Variants in RAD51B observed in about 807,000 individuals in gnomAD.
RAD51B encodes RAD51 paralog B, also known as DNA repair protein RAD51 homolog 2.
A neutral mutation model predicts 42.2 loss-of-function variants in RAD51B; 38 were observed. The observed-to-expected ratio is 0.90, with a 90% CI of 0.70 to 1.18. The LOEUF (loss-of-function observed/expected upper bound fraction) is 1.18, where lower values mean the gene tolerates loss of function less well. Ranked by LOEUF, RAD51B falls within the 50% of genes most tolerant of loss-of-function variation. The pLI, the probability that RAD51B is intolerant of heterozygous loss-of-function variation, is 0.00. For synonymous variants in RAD51B, 154 were observed against 145.2 expected, an observed-to-expected ratio of 1.06 and a Z score of -0.43; for missense variants, 373 against 400.7, an observed-to-expected ratio of 0.93 and a Z score of 0.59.
intron 5 of RAD51B, among the ~76,000 whole-genome samples, chr14:67,872,425 A>G (rs2042571210): frequency 7.2e-5 from 10 of 138,802 alleles, no homozygotes; most frequent in African/African-American, 1.9e-4. Context: ...ACCACTGCTC[A>G]AGGAAATAAA....
chr14:68,265,612 C>T (rs549621662), intron 7 of RAD51B, among the ~76,000 whole-genome samples: 7 of 152,114 alleles, frequency 4.6e-5, no homozygotes, highest in South Asian at 4.1e-4. Context: ...ATTAGCTGGG[C>T]GTGGTGGCAT....
chr14:68,067,931 C>CAAAAAAAAA (rs913150528), intron 7 of RAD51B, among the ~76,000 whole-genome samples: 4 of 24,702 alleles, frequency 1.6e-4, no homozygotes, highest in Admixed American at 5.9e-4. Context: ...GACTCCATCT[C>CAAAAAAAAA]AAAAAAAAAA....
chr14:68,291,975 C>A lies in RAD51B; in HGVS notation c.848C>A (p.Ser283Tyr), dbSNP rs768147105. 4 of 1,611,786 alleles carry A rather than the reference C, an allele frequency of 2.5e-6. No individual in the cohort carries two copies. The highest frequency in any genetic ancestry group is 3.4e-6 in the Non-Finnish European group (4 of 1,177,934). Reference protein sequence around the residue: ...LVSPADDLSLSEGTSGSSCVI... With the variant: ...LVSPADDLSLYEGTSGSSCVI... The stretch of plus-strand genomic sequence containing the variant: ...TCTCCAGCTGATGATTTGTCCCTGT[C>A]TGAAGGTAAGGAATCTGTCCTGGAG... Residue 283 changes from serine (S) to tyrosine (Y), a missense_variant, in exon 8 of 11, where the codon TCT (serine) becomes TAT (tyrosine). Ser to Tyr is a moderately radical substitution (Grantham distance 144, BLOSUM62 -2). Transcript: ENST00000471583.
At chr14:68,359,040 C>T (rs939066833) in intron 8 of RAD51B, among the ~76,000 whole-genome samples, 1 of 152,112 alleles carries the variant, frequency 6.6e-6, no homozygotes, top group African/African-American at 2.4e-5. Context: ...AGAGGAGCAG[C>T]TGCCACAGTG....
chr14:67,869,718 T>G (rs1030843731), intron 5 of RAD51B, among the ~76,000 whole-genome samples: 1 of 152,094 alleles, frequency 6.6e-6, no homozygotes, highest in African/African-American at 2.4e-5. Flanking sequence ...GGGAAGCCCA[T>G]CAGACTAACA....
chr14:68,673,615 G>T (rs575348582), intron 11 of RAD51B, among the ~76,000 whole-genome samples: 1 of 114,860 alleles, frequency 8.7e-6, no homozygotes, highest in African/African-American at 3.5e-5. Flanking sequence ...ACACACACAC[G>T]TACACATACT....
At chr14:67,929,246 A>G (rs2044640912) in intron 7 of RAD51B, among the ~76,000 whole-genome samples, 1 of 152,008 alleles carries the variant, frequency 6.6e-6, no homozygotes, top group South Asian at 2.1e-4. Context: ...CTCCCCTCTT[A>G]ACATACTTTT....
At chr14:67,935,545 T>C (rs2044909154) in intron 7 of RAD51B, among the ~76,000 whole-genome samples, 1 of 152,132 alleles carries the variant, frequency 6.6e-6, no homozygotes, top group Admixed American at 6.5e-5. Flanking sequence ...TAAAATTTTT[T>C]TGTAGAGATG....
In RAD51B at chr14:68,666,360, G is replaced by A. The variant is rs144171706; in HGVS notation, c.*11+15504G>A. Among the ~76,000 whole-genome samples the A allele has an allele frequency of 1.5e-3, 224 of 152,306 alleles. 1 individual carries two copies. The highest frequency in any genetic ancestry group is 5.1e-3 in the African/African-American group (211 of 41,564). ...TTCTGTCCCTGGCAACCAAAGAGCC[G>A]TAGTTTACAGCTATTGTTTAAAAAT... On this transcript the variant is annotated intron_variant, in intron 11 of 11. Transcript: ENST00000488612.
chr14:68,254,793 G>T (rs28694228), intron 7 of RAD51B, among the ~76,000 whole-genome samples: 15,158 of 152,122 alleles, frequency 0.1, 2,405 homozygotes, highest in African/African-American at 0.34. Flanking sequence ...ATCACCAAAG[G>T]GATCCATGAT....
chr14:68,497,222 T>A (rs1884593474), intron 10 of RAD51B: 1 of 1,373,664 alleles, frequency 7.3e-7, no homozygotes, highest in Middle Eastern at 2.0e-4. Flanking sequence ...TGGGAAAGAG[T>A]CTTGTGGTGA....
chr14:68,501,434 G>A (rs1474579410), intron 10 of RAD51B, among the ~76,000 whole-genome samples: 1 of 152,194 alleles, frequency 6.6e-6, no homozygotes, highest in Non-Finnish European at 1.5e-5. Context: ...ACATCATGAG[G>A]AGTGATGAGC....
At chr14:68,148,482 C>T (rs183179082) in intron 7 of RAD51B, among the ~76,000 whole-genome samples, 4 of 152,282 alleles carry the variant, frequency 2.6e-5, no homozygotes, top group African/African-American at 7.2e-5. Flanking sequence ...CAGCATTTGG[C>T]GATGTCATTG....
intron 10 of RAD51B, among the ~76,000 whole-genome samples, chr14:68,532,214 C>A (rs1277052951): frequency 1.3e-5 from 2 of 151,824 alleles, no homozygotes; most frequent in Non-Finnish European, 1.5e-5. Context: ...TAGATTAAGC[C>A]TAAAAAAAGC....
chr14:68,006,278 T>A (rs1230712945), intron 7 of RAD51B, among the ~76,000 whole-genome samples: 1 of 152,210 alleles, frequency 6.6e-6, no homozygotes, highest in Admixed American at 6.5e-5. Flanking sequence ...TTGTTGATTT[T>A]ATGTACTACA....
chr14:67,991,919 T>A (rs911776716), intron 7 of RAD51B, among the ~76,000 whole-genome samples: 25 of 152,260 alleles, frequency 1.6e-4, no homozygotes, highest in African/African-American at 6.0e-4. Context: ...TAATGCTATG[T>A]ATTACAGAAT....
chr14:67,919,824 A>G (rs908463996), intron 7 of RAD51B, among the ~76,000 whole-genome samples: 2 of 152,222 alleles, frequency 1.3e-5, no homozygotes, highest in Non-Finnish European at 2.9e-5. Context: ...TAGATCACCC[A>G]TAGTTGGAAT....
At chr14:67,918,338 A>G (rs954282311) in intron 7 of RAD51B, among the ~76,000 whole-genome samples, 1 of 152,080 alleles carries the variant, frequency 6.6e-6, no homozygotes, top group Non-Finnish European at 1.5e-5. Flanking sequence ...GGGTTCAAGC[A>G]ATTCTTCTGC....
intron 9 of RAD51B, among the ~76,000 whole-genome samples, chr14:68,452,249 A>C (rs1740819428): frequency 6.6e-6 from 1 of 152,188 alleles, no homozygotes; most frequent in Admixed American, 6.5e-5. Context: ...TGTTGCTTGA[A>C]ATTCCTTGCG....
Sources: allele counts gnomAD v4.1 joint callset (sites outside exome capture counted in the v4.1 genomes callset), GRCh38; gene constraint gnomAD v4.1.1; transcripts MANE v1.5; gene names NCBI Gene and HGNC (gene_info 2026-07-23, HGNC 2026-07-21).